STARD13: variants seen among roughly 807,000 people sequenced by gnomAD.
The protein encoded by STARD13 is StAR related lipid transfer domain containing 13, also known as stAR-related lipid transfer protein 13.
In STARD13, 62 loss-of-function variants were observed where a neutral mutation model predicts 106.4. The ratio of observed to expected loss-of-function variants is 0.58; its 90% CI spans 0.48 to 0.72. STARD13 has a LOEUF of 0.72. STARD13 is among the 30% of genes least tolerant of loss of function. The pLI is 0.00. For missense variants in STARD13, 1,387 were observed against 1,424.0 expected (o/e 0.97, Z 0.42); for synonymous variants, 565 against 553.0 (o/e 1.02, Z -0.31).
the STARD13 span, among the ~76,000 whole-genome samples, chr13:33,387,014 A>C: frequency 2.0e-5 from 3 of 151,976 alleles, no homozygotes; most frequent in African/African-American, 4.8e-5. Flanking sequence ...ATGTCACCTA[A>C]TTTTCTTTCT....
chr13:33,422,774 C>T, the STARD13 span, among the ~76,000 whole-genome samples: 1 of 151,988 alleles, frequency 6.6e-6, no homozygotes, highest in African/African-American at 2.4e-5. Context: ...AGAATAGAGC[C>T]CTCAGAAATA....
At chr13:33,607,772 T>A in the STARD13 span, among the ~76,000 whole-genome samples, 1 of 152,198 alleles carries the variant, frequency 6.6e-6, no homozygotes, top group South Asian at 2.1e-4. Flanking sequence ...ATACAAGATA[T>A]AATATAAAAT....
chr13:33,221,505 C>T (rs1888352849), intron 1 of STARD13, among the ~76,000 whole-genome samples: 1 of 152,200 alleles, frequency 6.6e-6, no homozygotes, highest in Non-Finnish European at 1.5e-5. Context: ...CTTTGACATG[C>T]ATCCCCCTCT....
the STARD13 span, among the ~76,000 whole-genome samples, chr13:33,473,887 A>C: frequency 6.6e-6 from 1 of 152,154 alleles, no homozygotes; most frequent in African/African-American, 2.4e-5. Context: ...GGGAAATTCC[A>C]AAGGAATTTC....
chr13:33,219,338 C>A (rs1269832091), intron 1 of STARD13, among the ~76,000 whole-genome samples: 1 of 151,754 alleles, frequency 6.6e-6, no homozygotes, highest in Non-Finnish European at 1.5e-5. Flanking sequence ...CTCAGCGCCT[C>A]CTTAGAGCTC....
chr13:33,632,094 A>T, the STARD13 span, among the ~76,000 whole-genome samples: 5 of 152,222 alleles, frequency 3.3e-5, no homozygotes, highest in Non-Finnish European at 7.3e-5. Context: ...GTGCTCAATG[A>T]TACAAGTTGA....
chr13:33,359,447 A>C, the STARD13 span: 8 of 176,572 alleles, frequency 4.5e-5, no homozygotes, highest in African/African-American at 1.2e-4. Context: ...ACGCCACCTT[A>C]AGAGCTGTAA....
chr13:33,269,955 G>A (rs562846949), intron 1 of STARD13, among the ~76,000 whole-genome samples: 28 of 152,258 alleles, frequency 1.8e-4, no homozygotes, highest in African/African-American at 6.7e-4. Flanking sequence ...ACAAAACAAG[G>A]CTGGACACAG....
intron 7 of STARD13, among the ~76,000 whole-genome samples, chr13:33,120,776 C>CTT (rs201604710): frequency 3.3e-4 from 48 of 147,234 alleles, no homozygotes; most frequent in Middle Eastern, 3.5e-3. Context: ...TATTTCCTGA[C>CTT]TTTTTTTTTT....
At chr13:33,438,379 G>T in the STARD13 span, among the ~76,000 whole-genome samples, 1 of 152,110 alleles carries the variant, frequency 6.6e-6, no homozygotes, top group Non-Finnish European at 1.5e-5. Context: ...AGCACAGAGG[G>T]TTCTACTTAT....
At chr13:33,542,949 G>A in the STARD13 span, among the ~76,000 whole-genome samples, 1 of 152,224 alleles carries the variant, frequency 6.6e-6, no homozygotes, top group Non-Finnish European at 1.5e-5. Context: ...AGGGACCCGA[G>A]TCTCCGCCCC....
At chr13:33,415,582 C>G in the STARD13 span, among the ~76,000 whole-genome samples, 1 of 151,906 alleles carries the variant, frequency 6.6e-6, no homozygotes, top group East Asian at 1.9e-4. Context: ...TTGTTAAACA[C>G]GAGCTTTGAA....
chr13:33,153,145 G>A (rs1229624411), intron 3 of STARD13, among the ~76,000 whole-genome samples: 5 of 152,166 alleles, frequency 3.3e-5, no homozygotes, highest in Admixed American at 1.3e-4. Context: ...CTGACAGGCT[G>A]TTTTCTTCCA....
chr13:33,185,859 C>T (rs964956395), intron 1 of STARD13: 1 of 1,613,706 alleles, frequency 6.2e-7, no homozygotes. Context: ...CCCACATGCC[C>T]TTCTGATCCA....
chr13:33,645,817 T>C, the STARD13 span, among the ~76,000 whole-genome samples: 1 of 152,074 alleles, frequency 6.6e-6, no homozygotes, highest in East Asian at 1.9e-4. Flanking sequence ...CCTGTGGGGG[T>C]CAACTTCTCC....
At chr13:33,554,210 CTT>C in the STARD13 span, among the ~76,000 whole-genome samples, 2 of 152,094 alleles carry the variant, frequency 1.3e-5, no homozygotes, top group African/African-American at 4.8e-5. Flanking sequence ...TTTTTAGCCT[CTT>C]AATTTGGCAG....
the STARD13 span, among the ~76,000 whole-genome samples, chr13:33,515,797 T>C: frequency 6.6e-6 from 1 of 152,154 alleles, no homozygotes; most frequent in South Asian, 2.1e-4. Context: ...ATGAGAGTAA[T>C]GGGCTGAAGG....
the STARD13 span, among the ~76,000 whole-genome samples, chr13:33,368,817 C>T: frequency 6.6e-6 from 1 of 152,170 alleles, no homozygotes; most frequent in Non-Finnish European, 1.5e-5. Context: ...TTTGGTGTGT[C>T]TCCCATGGGG....
chr13:33,297,807 T>G (rs145497133), intron 1 of STARD13, among the ~76,000 whole-genome samples: 10 of 152,254 alleles, frequency 6.6e-5, no homozygotes, highest in African/African-American at 2.2e-4. Context: ...CTTAGTTTAT[T>G]TCCAGTTGCC....
Sources: gnomAD v4.1 joint callset for allele counts (sites outside exome capture counted in the v4.1 genomes callset) on GRCh38, gnomAD v4.1.1 for gene constraint, MANE v1.5 for transcripts, NCBI Gene and HGNC (gene_info 2026-07-23, HGNC 2026-07-21) for gene names.